ELMO1: variants seen among roughly 807,000 people sequenced by gnomAD.
ELMO1 encodes engulfment and cell motility protein 1.
A neutral mutation model predicts 98.9 loss-of-function variants in ELMO1; 26 were observed. That is an observed-to-expected ratio of 0.26 (90% CI 0.19 to 0.36). The LOEUF is 0.36. Among genes scored for constraint, ELMO1 ranks in the 10% least tolerant of loss-of-function variants. The pLI is 1.00. For synonymous variants in ELMO1, 346 were observed against 346.0 expected, an observed-to-expected ratio of 1.00 and a Z score of 0.00; for missense variants, 627 against 935.2, an observed-to-expected ratio of 0.67 and a Z score of 4.30.
chr7:37,107,329 G>C (rs142785105), intron 14 of ELMO1, among the ~76,000 whole-genome samples: 1 of 152,148 alleles, frequency 6.6e-6, no homozygotes, highest in Non-Finnish European at 1.5e-5. Context: ...ATGGGCAGAC[G>C]GGGCTTCATG....
intron 16 of ELMO1, among the ~76,000 whole-genome samples, chr7:36,965,835 A>T (rs758642691): frequency 2.0e-5 from 3 of 152,202 alleles, no homozygotes; most frequent in Non-Finnish European, 4.4e-5. Flanking sequence ...ATCCGCCTGT[A>T]TGATGTCATC....
intron 16 of ELMO1, among the ~76,000 whole-genome samples, chr7:37,012,882 A>T (rs1036583037): frequency 6.6e-6 from 1 of 152,226 alleles, no homozygotes; most frequent in Admixed American, 6.5e-5. Flanking sequence ...CCACCGGACT[A>T]GGTGGAGCAG....
intron 16 of ELMO1, among the ~76,000 whole-genome samples, chr7:36,950,399 C>T (rs1020974731): frequency 6.6e-6 from 1 of 152,178 alleles, no homozygotes; most frequent in African/African-American, 2.4e-5. Context: ...TCCTGCAGTT[C>T]ACTCTTCACA....
intron 16 of ELMO1, among the ~76,000 whole-genome samples, chr7:36,980,708 T>TAC (rs1790976641): frequency 6.6e-6 from 1 of 152,232 alleles, no homozygotes; most frequent in Middle Eastern, 3.2e-3. Context: ...TAATGATAAT[T>TAC]TTACGTATGT....
intron 16 of ELMO1, among the ~76,000 whole-genome samples, chr7:36,916,108 T>C (rs994767723): frequency 6.6e-6 from 1 of 152,308 alleles, no homozygotes; most frequent in African/African-American, 2.4e-5. Context: ...AAGGATTCAG[T>C]GGAAGGCGGC....
At chr7:36,879,839 G>A (rs750863969) in intron 18 of ELMO1, among the ~76,000 whole-genome samples, 1 of 152,238 alleles carries the variant, frequency 6.6e-6, no homozygotes, top group African/African-American at 2.4e-5. Flanking sequence ...ATTTTTCTGG[G>A]AGAGCATTTC....
chr7:37,193,668 G>A (rs561769394), intron 13 of ELMO1, among the ~76,000 whole-genome samples: 36 of 152,274 alleles, frequency 2.4e-4, no homozygotes, highest in African/African-American at 5.5e-4. Flanking sequence ...AGGAAACGGC[G>A]AAAATAGGAC....
chr7:36,990,724 AT>A (rs1201976420), intron 16 of ELMO1, among the ~76,000 whole-genome samples: 1 of 152,148 alleles, frequency 6.6e-6, no homozygotes, highest in Non-Finnish European at 1.5e-5. Flanking sequence ...ACTAAATCTG[AT>A]GTAATTCTTA....
At chr7:37,325,339 G>A (rs1008139957) in intron 2 of ELMO1, among the ~76,000 whole-genome samples, 2 of 152,228 alleles carry the variant, frequency 1.3e-5, no homozygotes, top group African/African-American at 4.8e-5. Flanking sequence ...GCTGGGCCTG[G>A]AAAGGCATGC....
At chr7:37,154,472 T>C (rs1788588256) in intron 13 of ELMO1, among the ~76,000 whole-genome samples, 1 of 152,154 alleles carries the variant, frequency 6.6e-6, no homozygotes. Flanking sequence ...AGAGCTTAAA[T>C]GACCTGATGG....
chr7:37,446,708 C>G (rs543960134), intron 1 of ELMO1, among the ~76,000 whole-genome samples: 1 of 152,298 alleles, frequency 6.6e-6, no homozygotes, highest in South Asian at 2.1e-4. Context: ...GGTCTGCCTC[C>G]GAGCCTGCCC....
chr7:37,340,280 A>T (rs1307405599), intron 2 of ELMO1, among the ~76,000 whole-genome samples: 3 of 152,212 alleles, frequency 2.0e-5, no homozygotes, highest in African/African-American at 7.2e-5. Context: ...GGACATACAC[A>T]CTGAGTGTTC....
At chr7:36,999,682 A>G (rs1792496592) in intron 16 of ELMO1, among the ~76,000 whole-genome samples, 1 of 152,210 alleles carries the variant, frequency 6.6e-6, no homozygotes, top group Non-Finnish European at 1.5e-5. Context: ...CGAATGTACA[A>G]TAATTTTTGG....
chr7:37,241,169 C>T lies in ELMO1; in HGVS notation c.449+3187G>A, dbSNP rs1046425418. Among the ~76,000 whole-genome samples the T allele has an allele frequency of 2.6e-5, 4 of 151,698 alleles. No homozygotes were observed. In the South Asian group the frequency reaches 6.3e-4, roughly 24 times the overall value. Reference sequence around the variant, plus strand: ...TGTATAATAATTTTAAATGTGCATACACATTTAAAATTTTTAGGTGCATAC... The same window carrying T: ...TGTATAATAATTTTAAATGTGCATATACATTTAAAATTTTTAGGTGCATAC... On this transcript the variant is annotated intron_variant, in intron 7 of 21. Coordinates refer to ENST00000310758, the MANE Select transcript of ELMO1 (RefSeq NM_014800.11).
At chr7:37,161,098 G>T (rs1446885933) in intron 13 of ELMO1, among the ~76,000 whole-genome samples, 4 of 152,156 alleles carry the variant, frequency 2.6e-5, no homozygotes, top group African/African-American at 7.2e-5. Flanking sequence ...CCAGAACCAG[G>T]TGGGCTCTTG....
At chr7:37,442,490 C>A (rs149482470) in intron 1 of ELMO1, among the ~76,000 whole-genome samples, 4 of 152,312 alleles carry the variant, frequency 2.6e-5, no homozygotes, top group African/African-American at 7.2e-5. Flanking sequence ...CATGACTCAT[C>A]CACAGAGGAA....
At chr7:37,361,762 C>G (rs1327946927) in intron 1 of ELMO1, among the ~76,000 whole-genome samples, 1 of 152,162 alleles carries the variant, frequency 6.6e-6, no homozygotes, top group Non-Finnish European at 1.5e-5. Flanking sequence ...AGTTCGAGAC[C>G]AGCCTGGGCA....
chr7:37,065,572 T>C (rs1584589434), intron 15 of ELMO1, among the ~76,000 whole-genome samples: 1 of 152,160 alleles, frequency 6.6e-6, no homozygotes, highest in African/African-American at 2.4e-5. Context: ...AGGTCTTCCA[T>C]GGGTTTGCAT....
At chr7:37,080,847 C>T (rs2129235937) in intron 15 of ELMO1, among the ~76,000 whole-genome samples, 1 of 152,088 alleles carries the variant, frequency 6.6e-6, no homozygotes, top group Non-Finnish European at 1.5e-5. Context: ...AACACTCCTG[C>T]CTCAGGGTCT....
Sources: allele counts gnomAD v4.1 joint callset (sites outside exome capture counted in the v4.1 genomes callset), GRCh38; gene constraint gnomAD v4.1.1; transcripts MANE v1.5; gene names NCBI Gene and HGNC (gene_info 2026-07-23, HGNC 2026-07-21).